Variants in NSRP1 observed in about 807,000 individuals in gnomAD.
NSRP1 encodes the protein nuclear speckle splicing regulatory protein 1.
NSRP1 carries 24 observed loss-of-function variants against 54.7 expected under a neutral mutation model. The ratio of observed to expected loss-of-function variants is 0.44; its 90% CI spans 0.32 to 0.62. NSRP1 has a LOEUF of 0.62. Ranked by LOEUF, NSRP1 falls within the 20% of genes least tolerant of loss-of-function variation. The probability of loss-of-function intolerance (pLI) is 0.06; values close to 1 mark genes in which losing one functional copy is unlikely to be tolerated. For synonymous variants in NSRP1, 210 were observed against 213.8 expected, an observed-to-expected ratio of 0.98 and a Z score of 0.15; for missense variants, 596 against 651.2, an observed-to-expected ratio of 0.92 and a Z score of 0.92.
chr17:30,182,584 G>T (rs4381649), intron 6 of NSRP1, among the ~76,000 whole-genome samples: 58,814 of 151,890 alleles, frequency 0.39, 13,604 homozygotes, highest in East Asian at 0.81. Flanking sequence ...GGAGATTGCA[G>T]TGAGCTGAGA....
chr17:30,185,688 A>C lies in NSRP1; in HGVS notation c.*14A>C. The C allele has an allele frequency of 1.3e-6, 2 of 1,532,368 alleles. No homozygotes were observed. Among genetic ancestry groups the C allele is most frequent in the Non-Finnish European group, 1.7e-6 (2 of 1,145,704 alleles). 94.9% of individuals were successfully genotyped at this position (1,532,368 alleles called of 1,614,324 possible). A position where few individuals can be genotyped will look rare whatever the true frequency, so the allele number is the denominator to read the frequency against. On this transcript the variant is annotated 3_prime_UTR_variant, in exon 7 of 7. Transcript: ENST00000247026. Reference sequence around the variant, plus strand: ...GAAGATGATTGATGGCTACCCCAAGAGAAAGATTTAAGGAAGCACAGAAAA... The same window carrying C: ...GAAGATGATTGATGGCTACCCCAAGCGAAAGATTTAAGGAAGCACAGAAAA...
chr17:30,118,741 T>G (rs1235058730), intron 2 of NSRP1, among the ~76,000 whole-genome samples: 2 of 151,350 alleles, frequency 1.3e-5, no homozygotes, highest in East Asian at 1.9e-4. Context: ...TGTGTGCTTT[T>G]CTTTTCTCTT....
intron 2 of NSRP1, among the ~76,000 whole-genome samples, chr17:30,143,851 G>A (rs764467419): frequency 9.2e-5 from 14 of 152,098 alleles, no homozygotes; most frequent in Non-Finnish European, 1.3e-4. Flanking sequence ...TTGCAACTAA[G>A]TATAAAAGCT....
chr17:30,146,329 TTTATAAG>T (rs1567796110), intron 2 of NSRP1, among the ~76,000 whole-genome samples: 1 of 152,226 alleles, frequency 6.6e-6, no homozygotes, highest in Non-Finnish European at 1.5e-5. Context: ...CTGCCTTGGA[TTTATAAG>T]TTATATTAGT....
At position 30,138,909 on chromosome 17, in the gene NSRP1, G is replaced by GTTTTTTTTTTT. The variant is rs964449971; in HGVS notation, c.114+20752_114+20762dup. ...ATGAAGTGGTATCTCAAGTCTTAGC[G>GTTTTTTTTTTT]TTTTTTTTTTTTTTTTTTTTTTTTT... is the stretch of plus-strand genomic sequence containing the variant. On this transcript the variant is annotated intron_variant, in intron 2 of 6. Coordinates refer to ENST00000247026, the MANE Select transcript of NSRP1 (RefSeq NM_032141.4). Among the ~76,000 whole-genome samples the GTTTTTTTTTTT allele has an allele frequency of 1.2e-4, 7 of 58,188 alleles. 2 individuals are homozygous for GTTTTTTTTTTT. The highest frequency in any genetic ancestry group is 5.0e-4 in the Admixed American group (2 of 4,028). 38.2% of individuals were successfully genotyped at this position (58,188 alleles called of 152,430 possible).
rs146235514 is a variant in NSRP1 at position 30,185,513 on chromosome 17, G to C, written c.1516G>C (p.Gly506Arg). ...AGCAAAACACAGACTCACAGAGGAA[G>C]GGCAAGAGAAGGGTAAAGAACAAGA... ...LGAKHRLTEE[G>R]QEKGKEQERP... is the part of the protein sequence containing the mutation. The change falls in exon 7 of 7, where the codon GGG becomes CGG. Residue 506 changes from glycine (G) to arginine (R), a missense_variant. By Grantham distance (125) the Gly-to-Arg change is moderately radical (BLOSUM62 -2). Transcript: ENST00000247026. The C allele has an allele frequency of 3.1e-6, 5 of 1,614,076 alleles. No homozygotes were observed. The South Asian group carries it at 5.5e-5, about 18-fold the overall frequency.
At chr17:30,176,614 C>G (rs868800659) in intron 3 of NSRP1, among the ~76,000 whole-genome samples, 6 of 121,784 alleles carry the variant, frequency 4.9e-5, no homozygotes, top group African/African-American at 8.0e-5. Context: ...CGTCCCCCCC[C>G]CCCCAAAAAA....
chr17:30,152,518 A>T (rs2071922021), intron 2 of NSRP1, among the ~76,000 whole-genome samples: 1 of 137,864 alleles, frequency 7.3e-6, no homozygotes, highest in African/African-American at 2.7e-5. Context: ...ATTTACTTGT[A>T]TTTTTTCTTC....
chr17:30,142,944 G>A (rs994084949), intron 2 of NSRP1, among the ~76,000 whole-genome samples: 2 of 152,070 alleles, frequency 1.3e-5, no homozygotes, highest in African/African-American at 2.4e-5. Context: ...GTTTTATTTG[G>A]TTTGTGTACA....
intron 2 of NSRP1, among the ~76,000 whole-genome samples, chr17:30,142,908 G>A (rs1383770486): frequency 1.3e-5 from 2 of 152,158 alleles, no homozygotes; most frequent in African/African-American, 4.8e-5. Flanking sequence ...AGGCAGTTAT[G>A]TCCATAATTA....
chr17:30,135,171 T>C (rs1014170412), intron 2 of NSRP1, among the ~76,000 whole-genome samples: 1 of 152,094 alleles, frequency 6.6e-6, no homozygotes, highest in African/African-American at 2.4e-5. Flanking sequence ...CAGGCTGGAG[T>C]GAAGTGGTGC....
intron 3 of NSRP1, among the ~76,000 whole-genome samples, chr17:30,175,405 G>T (rs1258137543): frequency 6.6e-6 from 1 of 151,628 alleles, no homozygotes; most frequent in Non-Finnish European, 1.5e-5. Context: ...TTTGTTTTTT[G>T]GGGTTTTTTG....
chr17:30,117,924 T>G (rs1274999030), intron 1 of NSRP1, 156 bp from the exon 2 acceptor site: 2 of 578,000 alleles, frequency 3.5e-6, no homozygotes, highest in Non-Finnish European at 6.1e-6. Context: ...CATGTTAGAA[T>G]TTTGAGATCA....
intron 2 of NSRP1, among the ~76,000 whole-genome samples, chr17:30,129,590 A>T (rs1181788636): frequency 6.6e-6 from 1 of 152,184 alleles, no homozygotes; most frequent in South Asian, 2.1e-4. Context: ...GGTTTTCCTA[A>T]TGAAAAATTA....
chr17:30,150,390 GT>G (rs1175874898), intron 2 of NSRP1: 13 of 126,424 alleles, frequency 1.0e-4, no homozygotes, highest in Non-Finnish European at 1.7e-4. Flanking sequence ...ATATGTGGTG[GT>G]TTTTTTTTTG....
intron 2 of NSRP1, among the ~76,000 whole-genome samples, chr17:30,118,976 G>A (rs771714941): frequency 6.6e-6 from 1 of 152,050 alleles, no homozygotes; most frequent in Non-Finnish European, 1.5e-5. Context: ...TTGAACTCCT[G>A]ACCTCAGGTG....
intron 2 of NSRP1, among the ~76,000 whole-genome samples, chr17:30,139,625 CT>C (rs911680120): frequency 5.4e-5 from 8 of 149,030 alleles, no homozygotes; most frequent in Admixed American, 6.7e-5. Context: ...TGCTCTCCCT[CT>C]TTTTTTTTTC....
At chr17:30,128,807 AT>A (rs1724898461) in intron 2 of NSRP1, among the ~76,000 whole-genome samples, 1 of 152,178 alleles carries the variant, frequency 6.6e-6, no homozygotes. Context: ...ATGAAATAAC[AT>A]TTAGTGAAAA....
chr17:30,119,210 C>T (rs1941103928), intron 2 of NSRP1, among the ~76,000 whole-genome samples: 1 of 151,856 alleles, frequency 6.6e-6, no homozygotes, highest in African/African-American at 2.4e-5. Flanking sequence ...CTGCTTCAAT[C>T]TCCTGAGTAG....
Sources: allele counts gnomAD v4.1 joint callset (sites outside exome capture counted in the v4.1 genomes callset), GRCh38; gene constraint gnomAD v4.1.1; transcripts MANE v1.5; gene names NCBI Gene and HGNC (gene_info 2026-07-23, HGNC 2026-07-21).